The following RARB variants were observed in gnomAD, a reference collection of about 807,000 sequenced individuals.
RARB encodes the protein HBV-activated protein.
A neutral mutation model predicts 51.9 loss-of-function variants in RARB; 17 were observed. That is an observed-to-expected ratio of 0.33 (90% CI 0.22 to 0.49). The LOEUF (loss-of-function observed/expected upper bound fraction) is 0.49, where lower values mean the gene tolerates loss of function less well. Ranked by LOEUF, RARB falls within the 20% of genes least tolerant of loss-of-function variation. The pLI, the probability that RARB is intolerant of heterozygous loss-of-function variation, is 0.99. For missense variants in RARB, 369 were observed against 550.8 expected (o/e 0.67, Z 3.30); for synonymous variants, 215 against 195.4 (o/e 1.10, Z -0.84).
chr3:25,125,739 T>G (rs1699850105), intron 3 of RARB, among the ~76,000 whole-genome samples: 1 of 152,222 alleles, frequency 6.6e-6, no homozygotes, highest in South Asian at 2.1e-4. Context: ...AGTAGCTCTA[T>G]ATGCACATAA....
At chr3:24,936,242 A>G (rs994420917) in intron 2 of RARB, among the ~76,000 whole-genome samples, 13 of 152,164 alleles carry the variant, frequency 8.5e-5, no homozygotes, top group African/African-American at 3.1e-4. Flanking sequence ...GTGATGGAAC[A>G]CAGAGATATT....
At chr3:24,896,168 T>C (rs1703475542) in intron 2 of RARB, among the ~76,000 whole-genome samples, 1 of 152,132 alleles carries the variant, frequency 6.6e-6, no homozygotes, top group Non-Finnish European at 1.5e-5. Context: ...TGAAAATCCT[T>C]AGAGACAAAG....
At chr3:25,198,778 G>C (rs1308349483) in intron 5 of RARB, among the ~76,000 whole-genome samples, 3 of 152,028 alleles carry the variant, frequency 2.0e-5, no homozygotes, top group African/African-American at 7.2e-5. Context: ...TTATCCAAAA[G>C]TCAGGCAATA....
At chr3:24,929,869 A>G (rs942409793) in intron 2 of RARB, among the ~76,000 whole-genome samples, 2 of 152,150 alleles carry the variant, frequency 1.3e-5, no homozygotes, top group Admixed American at 1.3e-4. Context: ...AGAACTTAGT[A>G]ATTATGAAAA....
At chr3:25,055,590 G>A (rs1286444257) in intron 2 of RARB, among the ~76,000 whole-genome samples, 3 of 152,092 alleles carry the variant, frequency 2.0e-5, no homozygotes, top group Non-Finnish European at 4.4e-5. Flanking sequence ...GTCTTAAGTA[G>A]CTTTCTCCAG....
At chr3:25,251,096 G>A (rs545328808) in intron 5 of RARB, among the ~76,000 whole-genome samples, 10 of 152,186 alleles carry the variant, frequency 6.6e-5, no homozygotes, top group Admixed American at 6.5e-4. Context: ...TTGTGGAGGA[G>A]TGAGTACCAC....
intron 4 of RARB, among the ~76,000 whole-genome samples, chr3:25,570,669 C>G (rs1247733537): frequency 1.3e-5 from 2 of 152,100 alleles, no homozygotes; most frequent in African/African-American, 4.8e-5. Context: ...TTAATTTTTC[C>G]AAGTGGTTTT....
At chr3:24,865,543 G>T (rs1055201692) in intron 2 of RARB, among the ~76,000 whole-genome samples, 1 of 152,124 alleles carries the variant, frequency 6.6e-6, no homozygotes. Context: ...AACCCAAGCA[G>T]TCTGGTTCCA....
chr3:24,970,249 T>A (rs1696367181), intron 2 of RARB, among the ~76,000 whole-genome samples: 1 of 152,058 alleles, frequency 6.6e-6, no homozygotes, highest in South Asian at 2.1e-4. Context: ...TTTTAAGCAA[T>A]CAGCAAAGCA....
intron 2 of RARB, among the ~76,000 whole-genome samples, chr3:24,998,166 T>G (rs1697082298): frequency 6.6e-6 from 1 of 152,114 alleles, no homozygotes; most frequent in Non-Finnish European, 1.5e-5. Context: ...TTTCAAGAAT[T>G]ATGAACATGG....
At chr3:25,175,026 C>T (rs977296579) in intron 5 of RARB, among the ~76,000 whole-genome samples, 2 of 152,288 alleles carry the variant, frequency 1.3e-5, no homozygotes, top group East Asian at 3.9e-4. Flanking sequence ...TGTAATTGTT[C>T]TCAACTTCCC....
intron 2 of RARB, among the ~76,000 whole-genome samples, chr3:25,041,566 T>C (rs554707582): frequency 1.3e-5 from 2 of 152,008 alleles, no homozygotes; most frequent in South Asian, 4.2e-4. Flanking sequence ...TGCCATGTCC[T>C]TCTACAATAC....
At chr3:25,495,105 G>A (rs1457705960) in intron 2 of RARB, among the ~76,000 whole-genome samples, 1 of 152,144 alleles carries the variant, frequency 6.6e-6, no homozygotes, top group African/African-American at 2.4e-5. Flanking sequence ...CAATTCACCA[G>A]GCCAGTATCT....
Position 25,004,006 on chromosome 3 carries a change from A to C in RARB, c.-379-56119A>C, listed in dbSNP as rs1697218981. On this transcript the variant is annotated intron_variant, in intron 2 of 11. Transcript: ENST00000383772. ...ATAGGCTTTGCTGTGATAACAAATA[A>C]ACTCCAGATTTTAGTAGCTGAGCCA... is the stretch of plus-strand genomic sequence containing the variant. Among the ~76,000 whole-genome samples, 3 of 152,294 alleles carry C rather than the reference A, an allele frequency of 2.0e-5. No homozygotes were observed. The South Asian group carries it at 6.2e-4, about 32-fold the overall frequency.
intron 2 of RARB, among the ~76,000 whole-genome samples, chr3:25,007,595 A>AAAAAAAAAAAAAAAAAAC: frequency 1.4e-5 from 2 of 142,084 alleles, no homozygotes; most frequent in Admixed American, 7.1e-5. Flanking sequence ...ACTGTCTCAA[A>AAAAAAAAAAAAAAAAAAC]AAAAAAAAAC....
At chr3:25,065,545 T>A (rs1295102460) in intron 3 of RARB, among the ~76,000 whole-genome samples, 1 of 152,266 alleles carries the variant, frequency 6.6e-6, no homozygotes, top group African/African-American at 2.4e-5. Flanking sequence ...TAAAGTCTTC[T>A]GTTGCTATAT....
At chr3:25,516,138 T>C (rs1330858342) in intron 3 of RARB, among the ~76,000 whole-genome samples, 2 of 152,244 alleles carry the variant, frequency 1.3e-5, no homozygotes, top group Non-Finnish European at 2.9e-5. Flanking sequence ...TGACTATGGT[T>C]ATCTAATACC....
chr3:25,509,928 G>A (rs535205696), intron 3 of RARB, among the ~76,000 whole-genome samples: 6 of 152,204 alleles, frequency 3.9e-5, no homozygotes, highest in South Asian at 4.2e-4. Flanking sequence ...CTCCAGATCC[G>A]TCATGTCCCT....
At chr3:25,020,934 A>C (rs1410749604) in intron 2 of RARB, among the ~76,000 whole-genome samples, 3 of 152,168 alleles carry the variant, frequency 2.0e-5, no homozygotes, top group Non-Finnish European at 4.4e-5. Flanking sequence ...GTGCCACTGC[A>C]CTCCAGCCTG....
Sources: gnomAD v4.1 joint callset for allele counts (sites outside exome capture counted in the v4.1 genomes callset) on GRCh38, gnomAD v4.1.1 for gene constraint, MANE v1.5 for transcripts, NCBI Gene and HGNC (gene_info 2026-07-23, HGNC 2026-07-21) for gene names.